Variants in MAPKAP1 observed in about 807,000 individuals in gnomAD.
MAPKAP1 encodes the protein target of rapamycin complex 2 subunit MAPKAP1.
In MAPKAP1, 20 loss-of-function variants were observed where a neutral mutation model predicts 65.7. The ratio of observed to expected loss-of-function variants is 0.30; its 90% CI spans 0.21 to 0.44. The LOEUF (loss-of-function observed/expected upper bound fraction) is 0.44. MAPKAP1 is among the 20% of genes least tolerant of loss of function. MAPKAP1 has a pLI of 1.00. For missense variants in MAPKAP1, 423 were observed against 648.0 expected (o/e 0.65, Z 3.77); for synonymous variants, 222 against 244.3 (o/e 0.91, Z 0.85).
At chr9:125,579,187 C>T (rs968604362) in intron 5 of MAPKAP1, among the ~76,000 whole-genome samples, 5 of 152,198 alleles carry the variant, frequency 3.3e-5, no homozygotes, top group Non-Finnish European at 7.3e-5. Flanking sequence ...AGTTAACAGA[C>T]GTAAGTGTAA....
chr9:125,482,479 C>A (rs1854355505), intron 9 of MAPKAP1, among the ~76,000 whole-genome samples: 1 of 152,096 alleles, frequency 6.6e-6, no homozygotes, highest in Non-Finnish European at 1.5e-5. Flanking sequence ...AAAACATCCC[C>A]AGGAGGAACA....
intron 6 of MAPKAP1, among the ~76,000 whole-genome samples, chr9:125,545,496 G>A (rs1468518926): frequency 6.6e-6 from 1 of 152,138 alleles, no homozygotes; most frequent in Non-Finnish European, 1.5e-5. Flanking sequence ...ACAAGTTCTC[G>A]GGTACTCACA....
At position 125,447,250 on chromosome 9, in the gene MAPKAP1, G is replaced by C; in HGVS notation, c.1346-2652C>G. On this transcript the variant is annotated intron_variant, in intron 10 of 11. Coordinates refer to ENST00000265960, the MANE Select transcript of MAPKAP1 (RefSeq NM_001006617.3). This position sits in a 1 kb window ranked among gnomAD's most constrained non-coding sequence, Gnocchi z 4.5. The stretch of plus-strand genomic sequence containing the variant: ...GAGGAAGAGTGAAGCAGGTGAGGAG[G>C]AGGAAGAGTCCCAACATTCCCCCAC... 2.6e-6 allele frequency: 1 copy of C among 382,824 alleles called. No homozygotes were observed. Among genetic ancestry groups the C allele is most frequent in the Middle Eastern group, 4.8e-4 (1 of 2,076 alleles). 23.7% of individuals were successfully genotyped at this position (382,824 alleles called of 1,614,324 possible).
At chr9:125,629,169 C>T (rs1833201040) in intron 4 of MAPKAP1, among the ~76,000 whole-genome samples, 1 of 151,958 alleles carries the variant, frequency 6.6e-6, no homozygotes, top group Non-Finnish European at 1.5e-5. Context: ...TAAAATAATG[C>T]AACCACGATG....
intron 8 of MAPKAP1, among the ~76,000 whole-genome samples, chr9:125,489,834 T>A (rs1367232236): frequency 1.3e-5 from 2 of 151,920 alleles, no homozygotes; most frequent in African/African-American, 2.4e-5. Flanking sequence ...AGAAAGAACA[T>A]GGAATATAAG....
rs1051280119 is a variant in MAPKAP1, at chr9:125,598,079, A to C, written c.499-12352T>G. Among the ~76,000 whole-genome samples, 11 of 152,030 alleles carry C rather than the reference A, an allele frequency of 7.2e-5. No individual in the cohort carries two copies. In the South Asian group the frequency reaches 1.4e-3, roughly 20 times the overall value. ...AAAGAGGGTCGACATGAGAAAAAAA[A>C]AAAACAAAACCCAAACACCAGAATT... On this transcript the variant is annotated intron_variant, in intron 4 of 11. Coordinates refer to ENST00000265960, the MANE Select transcript of MAPKAP1 (RefSeq NM_001006617.3).
chr9:125,548,878 T>C (rs576519723), intron 6 of MAPKAP1, among the ~76,000 whole-genome samples: 1 of 152,330 alleles, frequency 6.6e-6, no homozygotes, highest in African/African-American at 2.4e-5. Flanking sequence ...AATTGAGGTT[T>C]GGCAAGGTTG....
chr9:125,577,388 G>C (rs1831450357), intron 5 of MAPKAP1, among the ~76,000 whole-genome samples: 1 of 148,142 alleles, frequency 6.8e-6, no homozygotes, highest in African/African-American at 2.5e-5. Context: ...GGAGGGAGGT[G>C]GGGGGTCAGC....
At chr9:125,611,797 T>C (rs1369518989) in intron 4 of MAPKAP1, among the ~76,000 whole-genome samples, 1 of 151,768 alleles carries the variant, frequency 6.6e-6, no homozygotes, top group African/African-American at 2.4e-5. Flanking sequence ...AAGCATAACA[T>C]CACAATATAC....
At chr9:125,504,948 G>A (rs577838798) in intron 8 of MAPKAP1, among the ~76,000 whole-genome samples, 2 of 152,334 alleles carry the variant, frequency 1.3e-5, no homozygotes, top group Admixed American at 6.5e-5. Context: ...ATAGTCTACA[G>A]CAGATCTATA....
intron 1 of MAPKAP1, among the ~76,000 whole-genome samples, chr9:125,701,401 AGATCCGAG>A (rs1266404983): frequency 6.6e-6 from 1 of 152,252 alleles, no homozygotes; most frequent in African/African-American, 2.4e-5. Flanking sequence ...AAAGGAAAAA[AGATCCGAG>A]GATTTGTAAG....
chr9:125,591,771 A>C (rs903024668), intron 4 of MAPKAP1, among the ~76,000 whole-genome samples: 1 of 152,230 alleles, frequency 6.6e-6, no homozygotes, highest in African/African-American at 2.4e-5. Context: ...AACATAAAAC[A>C]ATCCATCAAC....
intron 3 of MAPKAP1, among the ~76,000 whole-genome samples, chr9:125,661,750 ATGTTT>A (rs1834193031): frequency 6.6e-6 from 1 of 152,200 alleles, no homozygotes; most frequent in East Asian, 1.9e-4. Context: ...AGCCATGTCA[ATGTTT>A]TAAATAATTA....
intron 9 of MAPKAP1, among the ~76,000 whole-genome samples, chr9:125,481,482 G>T (rs373807851): frequency 6.6e-6 from 1 of 151,808 alleles, no homozygotes; most frequent in East Asian, 1.9e-4. Context: ...GAGTGTAATG[G>T]CGTCATGACA....
chr9:125,526,065 C>T (rs1038208528), intron 7 of MAPKAP1, among the ~76,000 whole-genome samples: 11 of 152,344 alleles, frequency 7.2e-5, no homozygotes, highest in South Asian at 6.2e-4. Context: ...GAGATTCAGG[C>T]TTGCTGGCAA....
At chr9:125,487,309 G>C (rs750860103) in intron 8 of MAPKAP1, among the ~76,000 whole-genome samples, 9 of 147,112 alleles carry the variant, frequency 6.1e-5, no homozygotes, top group Non-Finnish European at 9.0e-5. Flanking sequence ...TTAGGATTTG[G>C]AGTTTCAAAT....
chr9:125,575,848 T>A (rs1317367622), intron 5 of MAPKAP1, among the ~76,000 whole-genome samples: 1 of 152,198 alleles, frequency 6.6e-6, no homozygotes, highest in Non-Finnish European at 1.5e-5. Context: ...CCTACATATT[T>A]GCCCAAATGA....
intron 6 of MAPKAP1, among the ~76,000 whole-genome samples, chr9:125,555,797 T>C (rs1224900155): frequency 6.6e-6 from 1 of 152,244 alleles, no homozygotes; most frequent in Non-Finnish European, 1.5e-5. Context: ...TGAAAGTATG[T>C]AGATCCTCGA....
intron 3 of MAPKAP1, among the ~76,000 whole-genome samples, chr9:125,660,209 C>T (rs778881719): frequency 8.5e-5 from 13 of 152,260 alleles, no homozygotes; most frequent in Admixed American, 7.2e-4. Flanking sequence ...CTTTTAAATA[C>T]CATCTATAAG....
Sources: gnomAD v4.1 joint callset for allele counts (sites outside exome capture counted in the v4.1 genomes callset) on GRCh38, gnomAD v4.1.1 for gene constraint, Gnocchi (gnomAD v3.1) non-coding constraint, MANE v1.5 for transcripts, NCBI Gene and HGNC (gene_info 2026-07-23, HGNC 2026-07-21) for gene names.